Variants in GGA2 observed in about 807,000 individuals in gnomAD.
GGA2 encodes ADP-ribosylation factor-binding protein GGA2.
GGA2 carries 48 observed loss-of-function variants against 79.5 expected under a neutral mutation model. That is an observed-to-expected ratio of 0.60 (90% CI 0.48 to 0.77). The LOEUF is 0.77. Among genes scored for constraint, GGA2 ranks in the 30% least tolerant of loss-of-function variants. The pLI is 0.00. For missense variants in GGA2, 770 were observed against 774.0 expected, an observed-to-expected ratio of 0.99 and a Z score of 0.06; for synonymous variants, 317 against 302.0, an observed-to-expected ratio of 1.05 and a Z score of -0.51.
chr16:23,478,332 CCA>C, intron 13 of GGA2, 34 bp downstream of exon 13: 3 of 1,527,058 alleles, frequency 2.0e-6, no homozygotes, highest in Non-Finnish European at 2.6e-6. Flanking sequence ...CACTCAGGAG[CCA>C]CACTCTCCCA....
chr16:23,478,629 C>A (rs749723996), intron 12 of GGA2, 128 bp from the exon 13 acceptor site: 2 of 933,030 alleles, frequency 2.1e-6, no homozygotes, highest in African/African-American at 1.6e-5. Flanking sequence ...TCTCTTGGGG[C>A]AAGAGGGGAA....
In GGA2 at chr16:23,495,753, C is replaced by T. The variant is rs193100017; in HGVS notation, c.117G>A (p.Ser39=). 2.9e-5 allele frequency: 46 copies of T among 1,611,976 alleles called. No homozygotes were observed. The highest frequency in any genetic ancestry group is 1.1e-4 in the South Asian group (10 of 90,956). Residue 39 remains serine (S), a synonymous_variant, in exon 2 of 17, where the codon TCG becomes TCA. Coordinates refer to ENST00000309859, the MANE Select transcript of GGA2 (RefSeq NM_015044.4). ...WLNKATDPSM[S]EQDWSAIQNF... ...TCTGGATAGCTGACCAATCCTGTTC[C>T]GACATGCTTGGGTCTGTGGCTTTGT...
intron 1 of GGA2, among the ~76,000 whole-genome samples, chr16:23,496,394 C>T (rs1436129119): frequency 6.6e-6 from 1 of 151,846 alleles, no homozygotes; most frequent in African/African-American, 2.4e-5. Context: ...CGGGTGTTGG[C>T]TTCACACTCG....
intron 2 of GGA2, among the ~76,000 whole-genome samples, chr16:23,516,823 G>A (rs1036434151): frequency 5.3e-5 from 8 of 152,122 alleles, no homozygotes; most frequent in African/African-American, 1.9e-4. Flanking sequence ...GTAGAGGGAG[G>A]GTACTTAGGA....
intron 1 of GGA2, among the ~76,000 whole-genome samples, chr16:23,497,852 G>A (rs960146814): frequency 2.6e-5 from 4 of 152,162 alleles, no homozygotes; most frequent in African/African-American, 9.7e-5. Context: ...AAGAAAATAG[G>A]GCCAGGTGCT....
intron 8 of GGA2, among the ~76,000 whole-genome samples, chr16:23,484,972 T>C (rs186385604): frequency 4.5e-4 from 69 of 152,266 alleles, no homozygotes; most frequent in Non-Finnish European, 8.8e-4. Flanking sequence ...AGCCAAAAAG[T>C]AGGAACAACC....
chr16:23,520,473 T>C (rs1269525350), intron 1 of GGA2, among the ~76,000 whole-genome samples: 2 of 151,998 alleles, frequency 1.3e-5, no homozygotes, highest in Non-Finnish European at 2.9e-5. Context: ...CTTGAGGTTA[T>C]TTAAAATGTA....
chr16:23,510,557 C>CA (rs908704270), upstream of GGA2: 11 of 389,714 alleles, frequency 2.8e-5, no homozygotes, highest in South Asian at 2.2e-4. Context: ...CCCCAGGCCC[C>CA]CCCTCCACGC....
At chr16:23,475,407 C>G (rs1343004354) in intron 13 of GGA2, among the ~76,000 whole-genome samples, 2 of 151,546 alleles carry the variant, frequency 1.3e-5, no homozygotes, top group African/African-American at 2.4e-5. Context: ...CCGCGCTGGT[C>G]TCAAACTCTT....
At chr16:23,507,716 C>T (rs1964989177) in intron 1 of GGA2, among the ~76,000 whole-genome samples, 1 of 152,144 alleles carries the variant, frequency 6.6e-6, no homozygotes, top group Non-Finnish European at 1.5e-5. Flanking sequence ...AGGAGAATTG[C>T]TTGAACCAAG....
At position 23,510,485 on chromosome 16, in the gene GGA2, T is replaced by C. The variant is rs907682527; in HGVS notation, c.-74A>G. The C allele has an allele frequency of 1.1e-5, 6 of 534,606 alleles. No individual in the cohort carries two copies. The highest frequency in any genetic ancestry group is 4.5e-5 in the Admixed American group (1 of 22,424). 33.1% of individuals were successfully genotyped at this position (534,606 alleles called of 1,614,324 possible). ...GCTGTAGCGTCCTGGCGCTCTCCTC[T>C]GCTGACTGCGCGGCAGGAGCGGTGG... On this transcript the variant is annotated 5_prime_UTR_variant, in exon 1 of 17. Coordinates refer to ENST00000309859, the MANE Select transcript of GGA2 (RefSeq NM_015044.4).
Position 23,491,735 on chromosome 16 carries a change from T to C in GGA2, c.417A>G (p.Thr139=). The C allele has an allele frequency of 6.2e-7, 1 of 1,611,742 alleles. No individual in the cohort carries two copies. Among genetic ancestry groups the C allele is most frequent in the Non-Finnish European group, 8.5e-7 (1 of 1,177,814 alleles). ...TCTTGATGTCTTCCGGAAACCAGAC[T>C]GTCCAACTGAAGAGTATTTCAATGA... ...GRVIEILFSW[T]VWFPEDIKIR... Residue 139 remains threonine, a synonymous_variant, in exon 5 of 17, where the codon ACA becomes ACG. Transcript: ENST00000309859.
chr16:23,494,120 A>G (rs1256318529), intron 3 of GGA2, 183 bp downstream of exon 3: 2 of 602,538 alleles, frequency 3.3e-6, no homozygotes, highest in Non-Finnish European at 6.0e-6. Context: ...AACAGACGAG[A>G]AACAGGAGGA....
intron 4 of GGA2, among the ~76,000 whole-genome samples, chr16:23,492,584 ACAG>A (rs1056817895): frequency 2.4e-4 from 37 of 152,332 alleles, no homozygotes; most frequent in African/African-American, 6.5e-4. Context: ...AGGGGAGGGC[ACAG>A]CAGCTCTGTC....
At chr16:23,494,278 A>G (rs761976044) in intron 3 of GGA2, 25 bp downstream of exon 3, 2 of 1,472,280 alleles carry the variant, frequency 1.4e-6, no homozygotes, top group Non-Finnish European at 1.9e-6. Flanking sequence ...AGGAAAGGTT[A>G]GGCTACAAGG....
At chr16:23,513,828 G>GA (rs888104495), upstream of GGA2, among the ~76,000 whole-genome samples, 29 of 145,144 alleles carry the variant, frequency 2.0e-4, no homozygotes, top group Admixed American at 4.1e-4. Flanking sequence ...GAAAAGAAAA[G>GA]AAAAAAAAAG....
intron 14 of GGA2, 24 bp from the exon 15 acceptor site, chr16:23,470,189 A>G: frequency 6.4e-7 from 1 of 1,564,612 alleles, no homozygotes; most frequent in African/African-American, 1.4e-5. Flanking sequence ...CACAAGCAGA[A>G]GGTTTAACAC....
intron 1 of GGA2, among the ~76,000 whole-genome samples, chr16:23,509,592 C>T (rs1965012228): frequency 6.6e-6 from 1 of 152,002 alleles, no homozygotes; most frequent in South Asian, 2.1e-4. Context: ...CCCTTTGAAC[C>T]TCAATCCCTC....
intron 15 of GGA2, 193 bp from the exon 16 acceptor site, chr16:23,469,189 C>A (rs1346471447): frequency 1.6e-5 from 8 of 503,706 alleles, no homozygotes; most frequent in Admixed American, 3.1e-5. Flanking sequence ...ATCTAAGAGG[C>A]CTTTCCTTCC....
Sources: gnomAD v4.1 joint callset for allele counts (sites outside exome capture counted in the v4.1 genomes callset) on GRCh38, gnomAD v4.1.1 for gene constraint, MANE v1.5 for transcripts, NCBI Gene and HGNC (gene_info 2026-07-23, HGNC 2026-07-21) for gene names.